Variants in TMEM132C observed in about 807,000 individuals in gnomAD.
The protein encoded by TMEM132C is protein phosphatase 1, regulatory subunit 152.
Under a neutral mutation model 61.4 loss-of-function variants are expected in TMEM132C, and 29 were observed. The observed-to-expected ratio is 0.47, with a 90% confidence interval of 0.35 to 0.64. The LOEUF is 0.64. Ranked by LOEUF, TMEM132C falls within the 30% of genes least tolerant of loss-of-function variation. The pLI is 0.00. For synonymous variants in TMEM132C, 656 were observed against 633.1 expected (o/e 1.04, Z -0.54); for missense variants, 1,408 against 1,476.9 (o/e 0.95, Z 0.76).
intron 4 of TMEM132C, among the ~76,000 whole-genome samples, chr12:128,622,359 AAATATATATAT>A (rs1423094674): frequency 1.8e-5 from 1 of 56,402 alleles, no homozygotes; most frequent in African/African-American, 1.2e-4. Context: ...AAAAAAAAAA[AAATATATATAT>A]ATATATATAT....
intron 1 of TMEM132C, among the ~76,000 whole-genome samples, chr12:128,318,075 G>A (rs879745574): frequency 9.2e-5 from 14 of 152,170 alleles, no homozygotes; most frequent in South Asian, 2.1e-4. Flanking sequence ...TGGATGTCAG[G>A]CTGGGGCTCG....
intron 4 of TMEM132C, among the ~76,000 whole-genome samples, chr12:128,646,302 C>G (rs749989675): frequency 1.3e-5 from 2 of 151,596 alleles, no homozygotes; most frequent in Non-Finnish European, 2.9e-5. Flanking sequence ...TCACTGGAGT[C>G]CATCAGCGTT....
chr12:128,299,722 G>A (rs760124672), intron 1 of TMEM132C, among the ~76,000 whole-genome samples: 8 of 152,208 alleles, frequency 5.3e-5, no homozygotes, highest in Non-Finnish European at 8.8e-5. Context: ...TTAAGGTAAA[G>A]GTTTGTGAAA....
intron 1 of TMEM132C, among the ~76,000 whole-genome samples, chr12:128,324,838 T>A (rs942211220): frequency 5.2e-4 from 79 of 152,144 alleles, no homozygotes; most frequent in South Asian, 1.0e-3. Flanking sequence ...AAAAAAATTT[T>A]AAAAAAAATG....
intron 1 of TMEM132C, among the ~76,000 whole-genome samples, chr12:128,328,333 T>C (rs1014436152): frequency 1.3e-5 from 2 of 152,034 alleles, no homozygotes; most frequent in Non-Finnish European, 2.9e-5. Flanking sequence ...AAGACCAAAT[T>C]GGGATGAGGG....
At chr12:128,590,809 G>T (rs1270252315) in intron 3 of TMEM132C, among the ~76,000 whole-genome samples, 1 of 152,088 alleles carries the variant, frequency 6.6e-6, no homozygotes, top group Non-Finnish European at 1.5e-5. Context: ...ACAGGGCCTC[G>T]CTCTGTCACC....
intron 2 of TMEM132C, among the ~76,000 whole-genome samples, chr12:128,538,371 G>A (rs1381442414): frequency 3.3e-5 from 5 of 152,242 alleles, no homozygotes; most frequent in Non-Finnish European, 7.4e-5. Context: ...TGATCTGCCC[G>A]TGTTGGCCTC....
intron 1 of TMEM132C, among the ~76,000 whole-genome samples, chr12:128,308,979 C>T (rs1334494540): frequency 6.6e-6 from 1 of 151,652 alleles, no homozygotes; most frequent in Non-Finnish European, 1.5e-5. Context: ...TGTCATTGCT[C>T]TGCTGGGATG....
intron 5 of TMEM132C, among the ~76,000 whole-genome samples, chr12:128,693,118 C>T (rs1954731945): frequency 6.6e-6 from 1 of 152,154 alleles, no homozygotes; most frequent in African/African-American, 2.4e-5. Flanking sequence ...CTCCCAGGCA[C>T]AGGGACCGGC....
Position 128,267,448 on chromosome 12 carries a change from G to A in TMEM132C, c.46G>A (p.Gly16Arg), listed in dbSNP as rs1870345318. Residue 16 changes from glycine to arginine, a missense_variant, in exon 1 of 9, where the codon GGG becomes AGG. Gly to Arg is a moderately radical substitution (Grantham distance 125, BLOSUM62 -2). Transcript: ENST00000435159. ...CCCCGGGCCGGCGGCGCCGCTGTGC[G>A]GGGCGCTGAGCCTGCTGCTGGGCGC... The part of the protein sequence containing the change: ...AAPGPAAPLC[G>R]ALSLLLGALL... 1.6e-6 allele frequency: 2 copies of A among 1,265,048 alleles called. No homozygotes were observed. Among genetic ancestry groups the A allele is most frequent in the South Asian group, 2.9e-5 (1 of 34,966 alleles). The allele number at this position is 1,265,048 out of a possible 1,614,324, so 78.4% of individuals were successfully genotyped here.
chr12:128,510,792 C>T (rs1204285580), intron 2 of TMEM132C, among the ~76,000 whole-genome samples: 1 of 152,224 alleles, frequency 6.6e-6, no homozygotes, highest in East Asian at 1.9e-4. Context: ...AGGGGAAGCA[C>T]CTCAGATGGG....
chr12:128,429,378 G>A (rs933499509), intron 2 of TMEM132C, among the ~76,000 whole-genome samples: 9 of 152,168 alleles, frequency 5.9e-5, no homozygotes, highest in East Asian at 1.9e-4. Flanking sequence ...GTTGATTGCC[G>A]TGTGGCTAGG....
At chr12:128,481,541 C>T (rs1871316953) in intron 2 of TMEM132C, among the ~76,000 whole-genome samples, 1 of 152,250 alleles carries the variant, frequency 6.6e-6, no homozygotes, top group Non-Finnish European at 1.5e-5. Flanking sequence ...TTGTTACCCC[C>T]TGCCGTGCGG....
At chr12:128,580,002 C>T (rs1461127014) in intron 3 of TMEM132C, among the ~76,000 whole-genome samples, 1 of 152,138 alleles carries the variant, frequency 6.6e-6, no homozygotes, top group Admixed American at 6.5e-5. Context: ...GAGACTGTGA[C>T]ACACGTGTTC....
rs114704795 is a variant in TMEM132C, at chr12:128,680,827, T to C, written c.1449+11267T>C. 3.4e-3 allele frequency among the ~76,000 whole-genome samples: 514 copies of C among 152,348 alleles called. 5 individuals are homozygous for C. The highest frequency in any genetic ancestry group is 0.012 in the African/African-American group (493 of 41,586). On this transcript the variant is annotated intron_variant, in intron 5 of 8. Coordinates refer to ENST00000435159, the MANE Select transcript of TMEM132C (RefSeq NM_001136103.3). ...GACTTTTATGGAACATAAGACCATT[T>C]ACTGATGAGTCAGATTTTACTTGAG... is the stretch of plus-strand genomic sequence containing the variant.
At chr12:128,561,806 A>C (rs1226493177) in intron 3 of TMEM132C, among the ~76,000 whole-genome samples, 2 of 152,188 alleles carry the variant, frequency 1.3e-5, no homozygotes, top group Admixed American at 6.5e-5. Context: ...TTCCATAGAG[A>C]TCCAAAGTGG....
intron 4 of TMEM132C, among the ~76,000 whole-genome samples, chr12:128,663,914 A>T (rs1954423440): frequency 6.9e-6 from 1 of 144,674 alleles, no homozygotes; most frequent in Non-Finnish European, 1.5e-5. Context: ...GCACACAGGC[A>T]CACACACCTG....
intron 2 of TMEM132C, among the ~76,000 whole-genome samples, chr12:128,435,112 G>C (rs1393147057): frequency 6.6e-6 from 1 of 152,190 alleles, no homozygotes; most frequent in Non-Finnish European, 1.5e-5. Context: ...GATTGGTAAT[G>C]TCACAGGTTA....
intron 2 of TMEM132C, among the ~76,000 whole-genome samples, chr12:128,542,584 G>T (rs1873795126): frequency 6.6e-6 from 1 of 152,114 alleles, no homozygotes; most frequent in African/African-American, 2.4e-5. Flanking sequence ...GGGATTGGCC[G>T]GACGCAGTGG....
Sources: allele counts gnomAD v4.1 joint callset (sites outside exome capture counted in the v4.1 genomes callset), GRCh38; gene constraint gnomAD v4.1.1; transcripts MANE v1.5; gene names NCBI Gene and HGNC (gene_info 2026-07-23, HGNC 2026-07-21).